The following DENND4C variants were observed in gnomAD, a reference collection of about 807,000 sequenced individuals.
DENND4C encodes DENN domain-containing protein 4C.
DENND4C carries 108 observed loss-of-function variants against 203.0 expected under a neutral mutation model. That is an observed-to-expected ratio of 0.53 (90% confidence interval 0.46 to 0.62). The LOEUF is 0.62. DENND4C is among the 20% of genes least tolerant of loss of function. The pLI, the probability that DENND4C is intolerant of heterozygous loss-of-function variation, is 0.00. For missense variants in DENND4C, 2,481 were observed against 2,301.2 expected (o/e 1.08, Z -1.60); for synonymous variants, 871 against 792.4 (o/e 1.10, Z -1.67).
Position 19,347,068 on chromosome 9 carries a change from C to T in DENND4C, c.4299C>T (p.Tyr1433=). 1 of 1,613,386 alleles carries T rather than the reference C, an allele frequency of 6.2e-7. No individual in the cohort carries two copies. The highest frequency in any genetic ancestry group is 2.2e-5 in the East Asian group (1 of 44,876). The stretch of plus-strand genomic sequence containing the variant: ...TGTGGGTAGCTGTTGCGTCTGCCTA[C>T]AGCTACTCAGATGATGAGGTAAGAA... The part of the protein sequence containing the change: ...SKMWVAVASA[Y]SYSDDEEETN... The change falls in exon 23 of 33, where the codon TAC becomes TAT. Residue 1433 remains tyrosine, a synonymous_variant. Coordinates refer to ENST00000434457, the MANE Select transcript of DENND4C (RefSeq NM_001330640.2).
intron 1 of DENND4C, among the ~76,000 whole-genome samples, chr9:19,258,872 C>T (rs1477580240): frequency 3.3e-5 from 5 of 152,082 alleles, no homozygotes; most frequent in Admixed American, 6.6e-5. Flanking sequence ...CCAGGCTGGT[C>T]TTGAACTCCT....
chr9:19,294,656 T>C (rs1471183600), intron 5 of DENND4C, among the ~76,000 whole-genome samples: 1 of 152,190 alleles, frequency 6.6e-6, no homozygotes, highest in Non-Finnish European at 1.5e-5. Context: ...AACGTATGAA[T>C]GGATACACAA....
chr9:19,341,352 G>T (rs147779132), intron 21 of DENND4C, among the ~76,000 whole-genome samples: 1,561 of 135,832 alleles, frequency 0.011, 27 homozygotes, highest in East Asian at 0.017. Context: ...TTGCTCTCTC[G>T]CCCAGGCTGA....
At chr9:19,317,713 A>G (rs897503131) in intron 12 of DENND4C, among the ~76,000 whole-genome samples, 4 of 152,218 alleles carry the variant, frequency 2.6e-5, no homozygotes, top group Non-Finnish European at 4.4e-5. Context: ...ACCTAGCTCT[A>G]TGGGATCTTA....
chr9:19,256,309 G>GTT (rs1165191635), intron 1 of DENND4C, among the ~76,000 whole-genome samples: 12 of 84,876 alleles, frequency 1.4e-4, no homozygotes, highest in South Asian at 4.0e-4. Context: ...TTTTTTTTTT[G>GTT]TTTTTTTTTT....
intron 20 of DENND4C, 90 bp downstream of exon 20, chr9:19,336,922 G>A (rs1820603381): frequency 8.0e-7 from 1 of 1,245,524 alleles, no homozygotes; most frequent in Admixed American, 2.3e-5. Flanking sequence ...TTGAGTTTGT[G>A]TGATATGACT....
At chr9:19,240,539 G>A (rs571745045) in intron 1 of DENND4C, among the ~76,000 whole-genome samples, 1 of 152,110 alleles carries the variant, frequency 6.6e-6, no homozygotes, top group East Asian at 1.9e-4. Flanking sequence ...AGTGGTGTGT[G>A]CCTGTAGTCC....
At chr9:19,360,940 C>A (rs1468639371) in intron 29 of DENND4C, among the ~76,000 whole-genome samples, 1 of 152,166 alleles carries the variant, frequency 6.6e-6, no homozygotes, top group African/African-American at 2.4e-5. Context: ...ATGGCGTGAT[C>A]TCGGCTCATT....
At chr9:19,233,349 C>A (rs1442319938) in intron 1 of DENND4C, among the ~76,000 whole-genome samples, 1 of 152,130 alleles carries the variant, frequency 6.6e-6, no homozygotes, top group Non-Finnish European at 1.5e-5. Flanking sequence ...TCCTTTTTAT[C>A]AGCTAAAATT....
Position 19,372,708 on chromosome 9 carries a change from T to C in DENND4C, c.*535T>C, listed in dbSNP as rs1479372011. ...GGCCAACACGGTGAGACCCTGTCTT[T>C]ACTAAAAATACAAAAATTAGCCAGG... On this transcript the variant is annotated 3_prime_UTR_variant, in exon 33 of 33. Transcript: ENST00000434457. 6.6e-6 allele frequency: 1 copy of C among 152,176 alleles called. No individual in the cohort carries two copies. Among genetic ancestry groups the C allele is most frequent in the Non-Finnish European group, 1.5e-5 (1 of 68,192 alleles). 9.4% of individuals were successfully genotyped at this position (152,176 alleles called of 1,614,324 possible). A position where few individuals can be genotyped will look rare whatever the true frequency, so the allele number is the denominator to read the frequency against.
chr9:19,365,285 G>C (rs1827403982), intron 30 of DENND4C, among the ~76,000 whole-genome samples: 1 of 152,152 alleles, frequency 6.6e-6, no homozygotes, highest in African/African-American at 2.4e-5. Flanking sequence ...TATCAATAGA[G>C]TAAAGGACAA....
chr9:19,335,028 T>G lies in DENND4C; in HGVS notation c.2512T>G (p.Leu838Val), dbSNP rs778546906. The change falls in exon 18 of 33, where the codon TTA (leucine) becomes GTA (valine). Residue 838 changes from leucine to valine, a missense_variant. By Grantham distance (32) the Leu-to-Val change is conservative. Transcript: ENST00000434457. Reference protein sequence around the residue: ...QLCGLWGHPVLAVRVLFEMKT... With the variant: ...QLCGLWGHPVVAVRVLFEMKT... ...TTGTGGACTTTGGGGTCATCCTGTT[T>G]TAGCAGTGAGAGTCTTATTTGAAAT... The G allele has an allele frequency of 6.2e-7, 1 of 1,613,138 alleles. No individual in the cohort carries two copies. The highest frequency in any genetic ancestry group is 1.1e-5 in the South Asian group (1 of 90,946).
At chr9:19,281,004 G>T (rs1241317398) in intron 2 of DENND4C, among the ~76,000 whole-genome samples, 1 of 152,174 alleles carries the variant, frequency 6.6e-6, no homozygotes, top group Non-Finnish European at 1.5e-5. Context: ...GCCTCCCGAA[G>T]TGCTGGGATT....
chr9:19,351,529 C>T (rs148328820), intron 24 of DENND4C, among the ~76,000 whole-genome samples: 62 of 152,100 alleles, frequency 4.1e-4, no homozygotes, highest in East Asian at 1.7e-3. Flanking sequence ...ATGTCCAAAC[C>T]GGACACAGTG....
intron 10 of DENND4C, among the ~76,000 whole-genome samples, chr9:19,315,233 T>G (rs905021301): frequency 2.0e-5 from 3 of 151,804 alleles, no homozygotes; most frequent in African/African-American, 7.3e-5. Context: ...GTTTCAGTTC[T>G]AACATACTTC....
At chr9:19,274,372 C>T (rs1259457001) in intron 1 of DENND4C, among the ~76,000 whole-genome samples, 3 of 150,736 alleles carry the variant, frequency 2.0e-5, no homozygotes, top group Non-Finnish European at 2.9e-5. Flanking sequence ...CTCGGCTCAC[C>T]GCAACCTCCG....
chr9:19,271,620 C>G (rs1831687404), intron 1 of DENND4C, among the ~76,000 whole-genome samples: 2 of 152,132 alleles, frequency 1.3e-5, no homozygotes, highest in African/African-American at 4.8e-5. Flanking sequence ...AATCCCAGCA[C>G]TTTGGGAGGC....
intron 20 of DENND4C, among the ~76,000 whole-genome samples, chr9:19,337,998 C>T (rs368327938): frequency 4.6e-5 from 7 of 152,082 alleles, no homozygotes; most frequent in Admixed American, 1.3e-4. Context: ...GGTGGTGTGG[C>T]CATTGCTTTC....
At chr9:19,350,596 T>G in intron 23 of DENND4C, 106 bp from the exon 24 acceptor site, 1 of 895,982 alleles carries the variant, frequency 1.1e-6, no homozygotes, top group Non-Finnish European at 1.6e-6. Context: ...GGGATGATGA[T>G]TTGTTTAAGG....
Sources: gnomAD v4.1 joint callset for allele counts (sites outside exome capture counted in the v4.1 genomes callset) on GRCh38, gnomAD v4.1.1 for gene constraint, MANE v1.5 for transcripts, NCBI Gene and HGNC (gene_info 2026-07-23, HGNC 2026-07-21) for gene names.